CAMK1D: variants seen among roughly 807,000 people sequenced by gnomAD.
The protein encoded by CAMK1D is calcium/calmodulin dependent protein kinase ID.
In CAMK1D, 9 loss-of-function variants were observed where a neutral mutation model predicts 47.7. The observed-to-expected ratio is 0.19, with a 90% CI of 0.11 to 0.33. CAMK1D has a LOEUF of 0.33. Ranked by LOEUF, CAMK1D falls within the 10% of genes least tolerant of loss-of-function variation. The probability of loss-of-function intolerance (pLI) is 1.00; values close to 1 mark genes in which losing one functional copy is unlikely to be tolerated. For missense variants in CAMK1D, 291 were observed against 488.7 expected (o/e 0.60, Z 3.81); for synonymous variants, 184 against 184.9 (o/e 0.99, Z 0.04).
intron 1 of CAMK1D, among the ~76,000 whole-genome samples, chr10:12,395,566 C>A (rs1438120779): frequency 6.6e-6 from 1 of 152,026 alleles, no homozygotes; most frequent in African/African-American, 2.4e-5. Flanking sequence ...GCTTCTGACA[C>A]CTAATGTAAG....
chr10:12,678,145 A>G (rs1564486077), intron 3 of CAMK1D, among the ~76,000 whole-genome samples: 1 of 152,186 alleles, frequency 6.6e-6, no homozygotes, highest in African/African-American at 2.4e-5. Context: ...ATTTATAGCT[A>G]TAAATTTTCC....
intron 3 of CAMK1D, among the ~76,000 whole-genome samples, chr10:12,681,608 C>G (rs937107133): frequency 6.6e-6 from 1 of 152,246 alleles, no homozygotes; most frequent in African/African-American, 2.4e-5. Context: ...GTTCTTTTCT[C>G]TTTTATTTCA....
chr10:12,431,592 C>T (rs531367160), intron 1 of CAMK1D, among the ~76,000 whole-genome samples: 1 of 152,302 alleles, frequency 6.6e-6, no homozygotes, highest in Admixed American at 6.5e-5. Context: ...CTTCAGAGCG[C>T]CTGCCTATCG....
intron 3 of CAMK1D, among the ~76,000 whole-genome samples, chr10:12,743,375 G>A (rs139469776): frequency 0.023 from 3,397 of 147,034 alleles, 167 homozygotes; most frequent in African/African-American, 0.085. Flanking sequence ...AAGAAAAAAA[G>A]AAAAAGGAAA....
Position 12,821,391 on chromosome 10 carries a change from T to C in CAMK1D, c.834-3074T>C, listed in dbSNP as rs143367107. On this transcript the variant is annotated intron_variant, in intron 8 of 10. Transcript: ENST00000619168. Reference sequence around the variant, plus strand: ...AGTGTTCGCCGAACCCCCGCTCCCATCTTCTGGGCTCCAGACACCAGAGCT... The same window carrying C: ...AGTGTTCGCCGAACCCCCGCTCCCACCTTCTGGGCTCCAGACACCAGAGCT... Among the ~76,000 whole-genome samples, 448 of 152,310 alleles carry C rather than the reference T, an allele frequency of 2.9e-3. 2 individuals are homozygous for C. The highest frequency in any genetic ancestry group is 0.01 in the African/African-American group (418 of 41,572).
chr10:12,648,755 G>A (rs949022147), intron 2 of CAMK1D, among the ~76,000 whole-genome samples: 73 of 152,272 alleles, frequency 4.8e-4, no homozygotes, highest in Admixed American at 3.6e-3. Context: ...ACAGGTGTGA[G>A]CCACCACACC....
intron 3 of CAMK1D, among the ~76,000 whole-genome samples, chr10:12,696,733 G>A (rs1813907942): frequency 6.6e-6 from 1 of 152,140 alleles, no homozygotes; most frequent in Admixed American, 6.6e-5. Flanking sequence ...ATTGTATTTG[G>A]AAGCCTCAGA....
intron 2 of CAMK1D, among the ~76,000 whole-genome samples, chr10:12,625,273 T>G (rs1267501535): frequency 1.4e-5 from 2 of 145,280 alleles, no homozygotes; most frequent in South Asian, 2.3e-4. Flanking sequence ...GAGGCGGAGG[T>G]TGCAGTGAGT....
intron 1 of CAMK1D, among the ~76,000 whole-genome samples, chr10:12,523,951 G>A (rs1453716941): frequency 2.0e-5 from 3 of 151,798 alleles, no homozygotes; most frequent in Non-Finnish European, 4.4e-5. Flanking sequence ...CCCAGGCTTG[G>A]CGCGATCTCG....
At chr10:12,641,931 GC>G (rs1046394330) in intron 2 of CAMK1D, among the ~76,000 whole-genome samples, 2 of 151,938 alleles carry the variant, frequency 1.3e-5, no homozygotes. Flanking sequence ...TGTAGTCCCA[GC>G]TACTCTGGAG....
At chr10:12,563,700 G>GAGAGAGAGAGAGAGAGT (rs1564414542) in intron 2 of CAMK1D, among the ~76,000 whole-genome samples, 1 of 85,178 alleles carries the variant, frequency 1.2e-5, no homozygotes, top group African/African-American at 4.5e-5. Flanking sequence ...AGAGAGAGAG[G>GAGAGAGAGAGAGAGAGT]GAGAGAGAGG....
chr10:12,557,429 G>A (rs568844253), intron 2 of CAMK1D, among the ~76,000 whole-genome samples: 19 of 151,916 alleles, frequency 1.3e-4, no homozygotes, highest in Admixed American at 5.3e-4. Flanking sequence ...GTGGGCGCCT[G>A]TAGTCCCAGC....
chr10:12,806,522 G>C (rs1466005382), intron 6 of CAMK1D, among the ~76,000 whole-genome samples: 1 of 152,184 alleles, frequency 6.6e-6, no homozygotes, highest in Non-Finnish European at 1.5e-5. Flanking sequence ...ATAGCGTCCA[G>C]CCTCTGGGCC....
chr10:12,773,001 T>A (rs1837111097), intron 5 of CAMK1D, among the ~76,000 whole-genome samples: 1 of 152,202 alleles, frequency 6.6e-6, no homozygotes, highest in Non-Finnish European at 1.5e-5. Context: ...AAAGCCCAAT[T>A]TAAATGTTAC....
intron 1 of CAMK1D, among the ~76,000 whole-genome samples, chr10:12,547,649 C>CA (rs1554786324): frequency 0.011 from 1,108 of 105,020 alleles, 49 homozygotes; most frequent in African/African-American, 0.04. Context: ...ACCCCCCCCC[C>CA]AACCCTGCAC....
intron 1 of CAMK1D, among the ~76,000 whole-genome samples, chr10:12,482,372 C>T (rs548191020): frequency 2.6e-5 from 4 of 152,292 alleles, no homozygotes; most frequent in Non-Finnish European, 2.9e-5. Context: ...TCCAGGTCAG[C>T]GCTTGCATCC....
At chr10:12,694,209 T>TA (rs1833117302) in intron 3 of CAMK1D, among the ~76,000 whole-genome samples, 1 of 37,664 alleles carries the variant, frequency 2.7e-5, no homozygotes, top group African/African-American at 1.1e-4. Flanking sequence ...ATATATTATG[T>TA]ATAATATAAA....
At chr10:12,418,126 G>T (rs370278265) in intron 1 of CAMK1D, among the ~76,000 whole-genome samples, 1 of 152,124 alleles carries the variant, frequency 6.6e-6, no homozygotes, top group Non-Finnish European at 1.5e-5. Context: ...AGAAGCCCTC[G>T]CCCTGCCAGA....
chr10:12,544,231 C>T (rs1030985446), intron 1 of CAMK1D, among the ~76,000 whole-genome samples: 2 of 152,082 alleles, frequency 1.3e-5, no homozygotes, highest in African/African-American at 4.8e-5. Context: ...CACAGAGATT[C>T]CTTTTTGATG....
Sources: allele counts gnomAD v4.1 joint callset (sites outside exome capture counted in the v4.1 genomes callset), GRCh38; gene constraint gnomAD v4.1.1; transcripts MANE v1.5; gene names NCBI Gene and HGNC (gene_info 2026-07-23, HGNC 2026-07-21).